The following DRC9 variants were observed in gnomAD, a reference collection of about 807,000 sequenced individuals.
DRC9 encodes dynein regulatory complex protein 9.
the DRC9 span, among the ~76,000 whole-genome samples, chr3:197,907,300 T>G: frequency 6.6e-6 from 1 of 152,162 alleles, no homozygotes; most frequent in Non-Finnish European, 1.5e-5. Context: ...ACATGATAAA[T>G]CCACTGTGAC....
At chr3:197,926,576 C>T in the DRC9 span, among the ~76,000 whole-genome samples, 2 of 152,122 alleles carry the variant, frequency 1.3e-5, no homozygotes, top group South Asian at 2.1e-4. Context: ...TGTGCCTCAC[C>T]GATCTCCAAC....
the DRC9 span, among the ~76,000 whole-genome samples, chr3:197,937,235 C>T: frequency 1.3e-5 from 2 of 152,230 alleles, no homozygotes; most frequent in South Asian, 4.1e-4. Flanking sequence ...TATTTGTCAT[C>T]GAGCCAGCTG....
At chr3:197,916,862 A>G in the DRC9 span, among the ~76,000 whole-genome samples, 8 of 151,646 alleles carry the variant, frequency 5.3e-5, no homozygotes, top group African/African-American at 1.9e-4. Flanking sequence ...GCCACACACA[A>G]AATACACCAA....
At chr3:197,951,207 C>T in the DRC9 span, 1 of 1,614,084 alleles carries the variant, frequency 6.2e-7, no homozygotes, top group Non-Finnish European at 8.5e-7. Context: ...GTCTCCGGAA[C>T]CAAAGGGAGC....
chr3:197,939,249 G>A, the DRC9 span, among the ~76,000 whole-genome samples: 1 of 152,148 alleles, frequency 6.6e-6, no homozygotes, highest in Non-Finnish European at 1.5e-5. Context: ...ACAATGACTA[G>A]CATATAGCAG....
chr3:197,902,282 G>C, the DRC9 span, among the ~76,000 whole-genome samples: 3 of 152,148 alleles, frequency 2.0e-5, no homozygotes, highest in African/African-American at 4.8e-5. Context: ...GGACTACAAT[G>C]AATACGTAAT....
At chr3:197,903,875 C>A in the DRC9 span, among the ~76,000 whole-genome samples, 1 of 151,730 alleles carries the variant, frequency 6.6e-6, no homozygotes, top group Non-Finnish European at 1.5e-5. Flanking sequence ...TTTGGGAGGC[C>A]TAGGCTGGAG....
chr3:197,907,637 C>T, the DRC9 span, among the ~76,000 whole-genome samples: 2 of 152,264 alleles, frequency 1.3e-5, no homozygotes, highest in African/African-American at 4.8e-5. Flanking sequence ...TTATGTCCCA[C>T]TGTAACATGC....
chr3:197,946,434 CAAAAAAAAAAAAA>C, the DRC9 span, among the ~76,000 whole-genome samples: 1 of 72,622 alleles, frequency 1.4e-5, no homozygotes, highest in African/African-American at 4.3e-5. Flanking sequence ...GACTCCGTCT[CAAAAAAAAAAAAA>C]AAAAAAAAGG....
chr3:197,909,466 A>AC, the DRC9 span, among the ~76,000 whole-genome samples: 1 of 152,246 alleles, frequency 6.6e-6, no homozygotes, highest in Non-Finnish European at 1.5e-5. Context: ...CTTTCCACAT[A>AC]CCATACACTT....
chr3:197,894,866 C>A, the DRC9 span, among the ~76,000 whole-genome samples: 1 of 152,074 alleles, frequency 6.6e-6, no homozygotes, highest in Non-Finnish European at 1.5e-5. Context: ...GAGTTTGAGG[C>A]CACCCTGAGC....
At chr3:197,956,624 G>GTTTTTTTTTTTTTTTTTTTTT in the DRC9 span, 8 of 135,194 alleles carry the variant, frequency 5.9e-5, no homozygotes, top group African/African-American at 1.9e-4. Context: ...TTGCTGTATG[G>GTTTTTTTTTTTTTTTTTTTTT]TTTTTTTTTT....
At chr3:197,914,492 T>C in the DRC9 span, among the ~76,000 whole-genome samples, 2 of 152,108 alleles carry the variant, frequency 1.3e-5, no homozygotes, top group Non-Finnish European at 2.9e-5. Flanking sequence ...GATTATTAGG[T>C]TTCCTTGAGA....
the DRC9 span, chr3:197,949,362 G>A: frequency 1.3e-5 from 2 of 152,194 alleles, no homozygotes; most frequent in East Asian, 1.9e-4. Context: ...AAGTATCTAC[G>A]GAGGACCTAC....
the DRC9 span, chr3:197,955,904 C>G: frequency 2.6e-6 from 2 of 777,466 alleles, no homozygotes; most frequent in African/African-American, 1.7e-5. Context: ...TTTTGGAGTA[C>G]AAGGGGGTCA....
At chr3:197,892,241 A>G in the DRC9 span, among the ~76,000 whole-genome samples, 1 of 152,198 alleles carries the variant, frequency 6.6e-6, no homozygotes, top group African/African-American at 2.4e-5. Flanking sequence ...TTCCATAATG[A>G]AACCATAATC....
the DRC9 span, among the ~76,000 whole-genome samples, chr3:197,926,779 C>G: frequency 1.3e-5 from 2 of 152,116 alleles, no homozygotes; most frequent in Non-Finnish European, 2.9e-5. Context: ...CTCTTGATGA[C>G]CTTGCCAAAC....
chr3:197,924,075 G>A, the DRC9 span, among the ~76,000 whole-genome samples: 1 of 151,112 alleles, frequency 6.6e-6, no homozygotes, highest in Non-Finnish European at 1.5e-5. Context: ...AAATAAATAG[G>A]CTGGGCACGG....
the DRC9 span, among the ~76,000 whole-genome samples, chr3:197,936,366 G>A: frequency 1.3e-5 from 2 of 151,876 alleles, no homozygotes; most frequent in Non-Finnish European, 2.9e-5. Context: ...TTGCTGTTTT[G>A]CTTTTTAAGT....
Sources: allele counts gnomAD v4.1 joint callset (sites outside exome capture counted in the v4.1 genomes callset), GRCh38; gene constraint gnomAD v4.1.1; transcripts MANE v1.5; gene names NCBI Gene and HGNC (gene_info 2026-07-23, HGNC 2026-07-21).